Variants in DIAPH3 observed in about 807,000 individuals in gnomAD.
DIAPH3 encodes the protein protein diaphanous homolog 3.
In DIAPH3, 117 loss-of-function variants were observed where a neutral mutation model predicts 144.3. The ratio of observed to expected loss-of-function variants is 0.81; its 90% confidence interval spans 0.70 to 0.95. The LOEUF (loss-of-function observed/expected upper bound fraction) is 0.95. Among genes scored for constraint, DIAPH3 ranks in the 40% least tolerant of loss-of-function variants. The probability of loss-of-function intolerance (pLI) is 0.00; values close to 1 mark genes in which losing one functional copy is unlikely to be tolerated. For synonymous variants in DIAPH3, 519 were observed against 488.9 expected (o/e 1.06, Z -0.81); for missense variants, 1,421 against 1,412.7 (o/e 1.01, Z -0.09).
intron 27 of DIAPH3, among the ~76,000 whole-genome samples, chr13:59,691,912 C>G (rs2033545387): frequency 6.6e-6 from 1 of 152,116 alleles, no homozygotes; most frequent in East Asian, 1.9e-4. Context: ...ATAATCCTGA[C>G]TCTTCAGTGT....
At chr13:59,961,546 T>C (rs1185780683) in intron 17 of DIAPH3, among the ~76,000 whole-genome samples, 1 of 152,210 alleles carries the variant, frequency 6.6e-6, no homozygotes, top group Non-Finnish European at 1.5e-5. Context: ...GCCTTTAATA[T>C]ACATTGTGGA....
At chr13:59,951,633 G>A (rs761289805) in intron 17 of DIAPH3, among the ~76,000 whole-genome samples, 1 of 151,978 alleles carries the variant, frequency 6.6e-6, no homozygotes, top group Admixed American at 6.6e-5. Context: ...GACTTTATTA[G>A]TTTCTATAAT....
chr13:60,067,486 T>C (rs1232413777), intron 4 of DIAPH3, among the ~76,000 whole-genome samples: 3 of 152,112 alleles, frequency 2.0e-5, no homozygotes, highest in Non-Finnish European at 4.4e-5. Flanking sequence ...TATATACAGA[T>C]AGCCGACCCC....
At chr13:59,731,711 CTTG>C (rs1260470779) in intron 27 of DIAPH3, among the ~76,000 whole-genome samples, 1 of 152,066 alleles carries the variant, frequency 6.6e-6, no homozygotes, top group African/African-American at 2.4e-5. Flanking sequence ...TACGAGTTTG[CTTG>C]TTATCTATAG....
intron 3 of DIAPH3, among the ~76,000 whole-genome samples, chr13:60,095,614 G>GT (rs78368630): frequency 0.18 from 25,955 of 143,506 alleles, 2,368 homozygotes; most frequent in Middle Eastern, 0.26. Context: ...TGTTTTTTGT[G>GT]TTTTTTTTTT....
chr13:59,882,783 G>A (rs895757183), intron 20 of DIAPH3, among the ~76,000 whole-genome samples: 1 of 152,148 alleles, frequency 6.6e-6, no homozygotes, highest in Non-Finnish European at 1.5e-5. Context: ...TTGTTACAAA[G>A]TCTTGGCAAT....
At chr13:59,838,749 AG>A (rs1400109476) in intron 23 of DIAPH3, 1 of 153,308 alleles carries the variant, frequency 6.5e-6, no homozygotes, top group Non-Finnish European at 1.5e-5. Flanking sequence ...GGTATATGAC[AG>A]GGAAAAGATG....
chr13:59,740,225 C>T lies in DIAPH3; in HGVS notation c.3319+33964G>A, dbSNP rs369738924. ...AATATACCCCATGTAAGAACCATTA[C>T]GGAATATTTTAAGCACCGCATTTAA... On this transcript the variant is annotated intron_variant, in intron 27 of 27. Transcript: ENST00000400324. Among the ~76,000 whole-genome samples the T allele has an allele frequency of 3.3e-3, 497 of 152,238 alleles. 3 individuals carry two copies. The highest frequency in any genetic ancestry group is 0.01 in the African/African-American group (424 of 41,530).
In DIAPH3 at chr13:59,992,429, C is replaced by T. The variant is rs1035597113; in HGVS notation, c.1125+44G>A. 2.7e-6 allele frequency: 4 copies of T among 1,463,982 alleles called. No homozygotes were observed. The African/African-American group carries it at 5.7e-5, about 21-fold the overall frequency. 90.7% of individuals were successfully genotyped at this position (1,463,982 alleles called of 1,614,324 possible). A position where few individuals can be genotyped will look rare whatever the true frequency, so the allele number is the denominator to read the frequency against. ...ATCTAAATTTCCCCCTACTCAAGTACTCTTTTAATTTAAATATTAATAAGG... is the reference window on the plus strand; with the variant it reads ...ATCTAAATTTCCCCCTACTCAAGTATTCTTTTAATTTAAATATTAATAAGG... On this transcript the variant is annotated intron_variant, in intron 10 of 27. Coordinates refer to ENST00000400324, the MANE Select transcript of DIAPH3 (RefSeq NM_001042517.2).
At chr13:59,794,514 T>TG (rs1593874162) in intron 25 of DIAPH3, among the ~76,000 whole-genome samples, 2 of 149,662 alleles carry the variant, frequency 1.3e-5, no homozygotes, top group African/African-American at 4.9e-5. Flanking sequence ...TCTTCTTTAG[T>TG]GAAAAAAAAA....
At chr13:60,125,658 G>C (rs1343365685) in intron 2 of DIAPH3, among the ~76,000 whole-genome samples, 1 of 152,124 alleles carries the variant, frequency 6.6e-6, no homozygotes, top group Non-Finnish European at 1.5e-5. Context: ...TAGAGAGGCA[G>C]GGTCCTGTCA....
rs146288584 is a variant in DIAPH3, at chr13:59,858,464, C to G, written c.2737+2943G>C. 2.0e-5 allele frequency among the ~76,000 whole-genome samples: 3 copies of G among 152,154 alleles called. No individual in the cohort carries two copies. In the East Asian group the frequency reaches 5.8e-4, roughly 29 times the overall value. On this transcript the variant is annotated intron_variant, in intron 22 of 27. Coordinates refer to ENST00000400324, the MANE Select transcript of DIAPH3 (RefSeq NM_001042517.2). The stretch of plus-strand genomic sequence containing the variant: ...TTGGATGAATGAGTTACAGACTGAA[C>G]TAGCACGGTATTTCTAGAATTAAGA...
intron 12 of DIAPH3, among the ~76,000 whole-genome samples, chr13:59,990,028 T>C (rs1034887968): frequency 7.2e-5 from 11 of 151,890 alleles, no homozygotes; most frequent in African/African-American, 2.7e-4. Context: ...ATAAACAGCA[T>C]GGTACAAATG....
chr13:60,053,019 CTTAAA>C (rs1489839836), intron 4 of DIAPH3, among the ~76,000 whole-genome samples: 4 of 129,150 alleles, frequency 3.1e-5, no homozygotes, highest in African/African-American at 9.1e-5. Flanking sequence ...ACACACACCT[CTTAAA>C]TTAAAGAAAT....
At chr13:59,699,189 A>T (rs139319333) in intron 27 of DIAPH3, among the ~76,000 whole-genome samples, 238 of 152,346 alleles carry the variant, frequency 1.6e-3, no homozygotes, top group African/African-American at 5.6e-3. Context: ...CAGTGTCAAC[A>T]TGCTGAGGGT....
At chr13:59,687,401 C>T (rs56273187) in intron 27 of DIAPH3, among the ~76,000 whole-genome samples, 6,899 of 152,070 alleles carry the variant, frequency 0.045, 176 homozygotes, top group African/African-American at 0.054. Context: ...GGAATTATAG[C>T]TGATAAAACT....
At chr13:60,107,754 C>T (rs1051707199) in intron 3 of DIAPH3, among the ~76,000 whole-genome samples, 3 of 152,128 alleles carry the variant, frequency 2.0e-5, no homozygotes, top group Non-Finnish European at 2.9e-5. Context: ...TTAAGTACTT[C>T]GTGCAATTTT....
Position 59,967,225 on chromosome 13 carries a change from C to G in DIAPH3, c.2074+2719G>C, listed in dbSNP as rs1034854201. On this transcript the variant is annotated intron_variant, in intron 17 of 27. Transcript: ENST00000400324. ...GGGACTACAGGTGTGCACCACCATG[C>G]CTGGCTATTTTTTTTTTTAATTTTT... Among the ~76,000 whole-genome samples the G allele has an allele frequency of 6.6e-5, 10 of 151,712 alleles. No individual in the cohort carries two copies. The South Asian group carries it at 1.0e-3, about 16-fold the overall frequency.
intron 2 of DIAPH3, among the ~76,000 whole-genome samples, chr13:60,117,179 AC>A (rs1225881537): frequency 6.6e-6 from 1 of 152,062 alleles, no homozygotes; most frequent in African/African-American, 2.4e-5. Flanking sequence ...TATGCTTAGC[AC>A]CTAAAACTCT....
Sources: allele counts gnomAD v4.1 joint callset (sites outside exome capture counted in the v4.1 genomes callset), GRCh38; gene constraint gnomAD v4.1.1; transcripts MANE v1.5; gene names NCBI Gene and HGNC (gene_info 2026-07-23, HGNC 2026-07-21).